Variants in CDKN2B-AS1 observed in about 807,000 individuals in gnomAD.
The protein encoded by CDKN2B-AS1 is CDKN2B antisense RNA 1 (non-protein coding).
chr9:22,119,152 G>C (rs1186482853), intron 4 of CDKN2B-AS1: 1 of 151,602 alleles, frequency 6.6e-6, no homozygotes, highest in Non-Finnish European at 1.5e-5. Context: ...CTGTCTTGTA[G>C]GATTATTGTG....
At chr9:22,033,485 C>T (rs1431977706) in intron 1 of CDKN2B-AS1, among the ~76,000 whole-genome samples, 1 of 152,028 alleles carries the variant, frequency 6.6e-6, no homozygotes, top group African/African-American at 2.4e-5. Context: ...CAAGTACTGG[C>T]AAGTCAGATG....
rs142637097 is a variant in CDKN2B-AS1, at chr9:22,061,640, A to G, written n.438+5253A>G. 4.0e-3 allele frequency among the ~76,000 whole-genome samples: 606 copies of G among 152,264 alleles called. 7 individuals carry two copies. The highest frequency in any genetic ancestry group is 0.014 in the African/African-American group (566 of 41,556). On this transcript the variant is annotated intron_variant and non_coding_transcript_variant, in intron 4 of 4. Coordinates refer to ENST00000650946, the Ensembl canonical transcript of CDKN2B-AS1. ...ATGTTTAAAAGAGTAATCTATTTGGAAACAGGAATTAATACTCAGAATATT... is the reference window on the plus strand; with the variant it reads ...ATGTTTAAAAGAGTAATCTATTTGGGAACAGGAATTAATACTCAGAATATT...
intron 1 of CDKN2B-AS1, chr9:22,030,482 A>G (rs1350143212): frequency 1.3e-5 from 2 of 152,018 alleles, no homozygotes; most frequent in African/African-American, 4.8e-5. Context: ...GTGTTGAAAA[A>G]TTTTCCCATA....
chr9:22,097,654 C>G (rs1350747425), intron 4 of CDKN2B-AS1, among the ~76,000 whole-genome samples: 5 of 152,160 alleles, frequency 3.3e-5, no homozygotes, highest in African/African-American at 1.2e-4. Context: ...AACTTGTTTA[C>G]AATTCTAAGA....
At chr9:22,097,051 G>A (rs917955191) in intron 4 of CDKN2B-AS1, among the ~76,000 whole-genome samples, 1 of 152,134 alleles carries the variant, frequency 6.6e-6, no homozygotes, top group Non-Finnish European at 1.5e-5. Context: ...ATGCAGACCT[G>A]TCTTCCATCC....
rs571707892 is a variant in CDKN2B-AS1 at position 22,018,255 on chromosome 9, C to T, written n.29+23094C>T. 2.0e-5 allele frequency among the ~76,000 whole-genome samples: 3 copies of T among 150,590 alleles called. No individual in the cohort carries two copies. The East Asian group carries it at 5.9e-4, about 29-fold the overall frequency. ...AGGAGAATTGCTTGAACCCAGGAGG[C>T]AGAGGTTGAGTTTTCTCCACAGCTT... is the stretch of plus-strand genomic sequence containing the variant. On this transcript the variant is annotated intron_variant and non_coding_transcript_variant, in intron 1 of 4. Coordinates refer to ENST00000650946, the Ensembl canonical transcript of CDKN2B-AS1.
intron 4 of CDKN2B-AS1, among the ~76,000 whole-genome samples, chr9:22,072,439 C>G (rs968751398): frequency 6.6e-6 from 1 of 152,028 alleles, no homozygotes. Flanking sequence ...CAGACAGAGA[C>G]ACTAGTTATG....
chr9:22,005,340 A>G lies in CDKN2B-AS1; in HGVS notation n.29+10179A>G, dbSNP rs2131178056. 1 of 240,850 alleles carries G rather than the reference A, an allele frequency of 4.2e-6. No homozygotes were observed. Among genetic ancestry groups the G allele is most frequent in the East Asian group, 5.9e-5 (1 of 16,828 alleles). 14.9% of individuals were successfully genotyped at this position (240,850 alleles called of 1,614,324 possible). A position where few individuals can be genotyped will look rare whatever the true frequency, so the allele number is the denominator to read the frequency against. ...TGTCGTCGCTTGCACATCCTCTCTT[A>G]CCCCTCTGCTATCTGGTGGAGTTGG... is the stretch of plus-strand genomic sequence containing the variant. On this transcript the variant is annotated intron_variant and non_coding_transcript_variant, in intron 1 of 4. Coordinates refer to ENST00000650946, the Ensembl canonical transcript of CDKN2B-AS1. This position sits in a 1 kb window ranked among gnomAD's most constrained non-coding sequence, Gnocchi z 4.9.
chr9:21,994,844 A>G (rs1203110115), upstream of CDKN2B-AS1: 1 of 163,460 alleles, frequency 6.1e-6, no homozygotes, highest in Non-Finnish European at 1.3e-5. Context: ...GCTCCCGCGG[A>G]TTCTGGTGCT....
At chr9:22,081,275 C>CTTTTTTTTTTTTTTTTTTTTTTTTTTT (rs36049201) in intron 4 of CDKN2B-AS1, among the ~76,000 whole-genome samples, 1 of 124,516 alleles carries the variant, frequency 8.0e-6, no homozygotes. Context: ...TGTTCTTTAG[C>CTTTTTTTTTTTTTTTTTTTTTTTTTTT]TTTTTTTTTT....
intron 1 of CDKN2B-AS1, among the ~76,000 whole-genome samples, chr9:22,018,629 G>A (rs1821884760): frequency 6.6e-6 from 1 of 152,160 alleles, no homozygotes; most frequent in South Asian, 2.1e-4. Context: ...GTCCAGCCTG[G>A]GTGACAGCGC....
At chr9:22,085,505 G>A (rs1824839461) in intron 4 of CDKN2B-AS1, among the ~76,000 whole-genome samples, 1 of 152,094 alleles carries the variant, frequency 6.6e-6, no homozygotes, top group Non-Finnish European at 1.5e-5. Context: ...CGGATCACGA[G>A]GTCAGGAGAT....
At chr9:22,104,866 T>G (rs1407761030) in intron 4 of CDKN2B-AS1, among the ~76,000 whole-genome samples, 2 of 152,228 alleles carry the variant, frequency 1.3e-5, no homozygotes, top group Non-Finnish European at 2.9e-5. Flanking sequence ...CAACATATAT[T>G]GAATACCACT....
Position 22,116,500 on chromosome 9 carries a change from G to A in CDKN2B-AS1, n.439-10603G>A, listed in dbSNP as rs1338700014. Among the ~76,000 whole-genome samples, 5 of 152,132 alleles carry A rather than the reference G, an allele frequency of 3.3e-5. 1 individual carries two copies. On this transcript the variant is annotated intron_variant and non_coding_transcript_variant, in intron 4 of 4. Transcript: ENST00000650946. ...TGCTATAACTACTGGGATGAAAATC[G>A]AGCAGGAAGGAAAATATAGCCTGCT...
At chr9:22,031,943 C>T (rs1480213371) in intron 1 of CDKN2B-AS1, among the ~76,000 whole-genome samples, 2 of 152,188 alleles carry the variant, frequency 1.3e-5, no homozygotes, top group African/African-American at 2.4e-5. Flanking sequence ...CAACAGCAAG[C>T]AGTAAACAGA....
chr9:22,112,669 T>C (rs1825831978), intron 4 of CDKN2B-AS1, among the ~76,000 whole-genome samples: 2 of 152,174 alleles, frequency 1.3e-5, no homozygotes, highest in African/African-American at 4.8e-5. Context: ...CCCCATGACA[T>C]TTTTAGTATA....
chr9:22,112,937 G>T (rs2131369157), intron 4 of CDKN2B-AS1, among the ~76,000 whole-genome samples: 1 of 152,276 alleles, frequency 6.6e-6, no homozygotes, highest in Non-Finnish European at 1.5e-5. Flanking sequence ...AAAACTAGAA[G>T]GTTGGTACTG....
At chr9:22,089,714 T>G (rs1047391205) in intron 4 of CDKN2B-AS1, among the ~76,000 whole-genome samples, 1 of 152,152 alleles carries the variant, frequency 6.6e-6, no homozygotes, top group Non-Finnish European at 1.5e-5. Context: ...CCTCCCAAAG[T>G]GCTGGAGTTA....
chr9:21,994,983 T>C (rs989396368), upstream of CDKN2B-AS1: 5 of 152,274 alleles, frequency 3.3e-5, no homozygotes, highest in African/African-American at 1.2e-4. Flanking sequence ...ATCTCATTGC[T>C]CTATCCGCCA....
Sources: allele counts gnomAD v4.1 joint callset (sites outside exome capture counted in the v4.1 genomes callset), GRCh38; gene constraint gnomAD v4.1.1; non-coding constraint Gnocchi (gnomAD v3.1); transcripts MANE v1.5; gene names NCBI Gene and HGNC (gene_info 2026-07-23, HGNC 2026-07-21).